The following TRMT13 variants were observed in gnomAD, a reference collection of about 807,000 sequenced individuals.
TRMT13 encodes the protein tRNA:m(4)X modification enzyme TRM13 homolog.
Under a neutral mutation model 55.9 loss-of-function variants are expected in TRMT13, and 45 were observed. The observed-to-expected ratio is 0.80, with a 90% CI of 0.63 to 1.03. TRMT13 has a LOEUF of 1.03. TRMT13 is among the 50% of genes least tolerant of loss of function. The pLI is 0.00. For missense variants in TRMT13, 513 were observed against 563.9 expected (o/e 0.91, Z 0.91); for synonymous variants, 183 against 196.3 (o/e 0.93, Z 0.57).
At chr1:100,136,969 A>G (rs773040224) in intron 2 of TRMT13, 41 bp downstream of exon 2, 1 of 1,602,402 alleles carries the variant, frequency 6.2e-7, no homozygotes. Flanking sequence ...TGTGCTGGAA[A>G]CAGTAATTGG....
At chr1:100,134,919 A>G (rs571939832) in intron 1 of TRMT13, among the ~76,000 whole-genome samples, 2 of 152,206 alleles carry the variant, frequency 1.3e-5, no homozygotes, top group African/African-American at 2.4e-5. Flanking sequence ...TCTGTAATTT[A>G]TGATGTAACT....
At chr1:100,141,093 A>G in intron 7 of TRMT13, 74 bp downstream of exon 7, 8 of 1,324,174 alleles carry the variant, frequency 6.0e-6, no homozygotes, top group Non-Finnish European at 8.2e-6. Context: ...AAAGTGATAG[A>G]AACATTTCTT....
chr1:100,133,835 C>T (rs998724037), intron 1 of TRMT13, among the ~76,000 whole-genome samples: 5 of 152,130 alleles, frequency 3.3e-5, no homozygotes, highest in African/African-American at 9.7e-5. Context: ...CACTTGAGGT[C>T]AGGAGCTCGA....
In TRMT13 at chr1:100,139,664, G is replaced by T. The variant is rs1021670196; in HGVS notation, c.277G>T (p.Asp93Tyr). The change falls in exon 4 of 11, where the codon GAT becomes TAT. Residue 93 changes from aspartate (D) to tyrosine (Y), a missense_variant. Coordinates refer to ENST00000370141, the MANE Select transcript of TRMT13 (RefSeq NM_019083.3). ...EKPKPDFYIQDINAGLRDETE... is the reference protein window; with the variant it reads ...EKPKPDFYIQYINAGLRDETE... Reference sequence around the variant, plus strand: ...TTTTGTTAAGGATTTCTATATTCAAGATATTAATGCAGGCTTAAGAGATGA... The same window carrying T: ...TTTTGTTAAGGATTTCTATATTCAATATATTAATGCAGGCTTAAGAGATGA... The T allele has an allele frequency of 2.6e-6, 4 of 1,541,522 alleles. No homozygotes were observed. In the Admixed American group the frequency reaches 5.1e-5, roughly 20 times the overall value.
chr1:100,136,807 C>A, intron 1 of TRMT13, 75 bp from the exon 2 acceptor site: 1 of 1,289,248 alleles, frequency 7.8e-7, no homozygotes. Context: ...TACAGAGACA[C>A]TGAAGTTATA....
In TRMT13 at chr1:100,139,701, C is replaced by G; in HGVS notation, c.314C>G (p.Pro105Arg). 1 of 1,526,214 alleles carries G rather than the reference C, an allele frequency of 6.6e-7. No homozygotes were observed. Among genetic ancestry groups the G allele is most frequent in the African/African-American group, 1.4e-5 (1 of 72,772 alleles). 94.5% of individuals were successfully genotyped at this position (1,526,214 alleles called of 1,614,324 possible). Residue 105 changes from proline to arginine, a missense_variant, in exon 4 of 11, where the codon CCT becomes CGT. This residue lies in a region of TRMT13 where 298 missense variants were observed against 290.3 expected (regional missense o/e 1.03). Transcript: ENST00000370141. The stretch of plus-strand genomic sequence containing the variant: ...GGCTTAAGAGATGAAACAGAAATAC[C>G]TGAACAATTAGTAAGTACATTGACT... ...NAGLRDETEI[P>R]EQLVPISSLS...
At chr1:100,147,788 T>A in intron 9 of TRMT13, 106 bp from the exon 10 acceptor site, 1 of 1,067,422 alleles carries the variant, frequency 9.4e-7, no homozygotes, top group East Asian at 2.6e-5. Flanking sequence ...AGGTTTTTGC[T>A]GTTTTTATTG....
intron 6 of TRMT13, 70 bp downstream of exon 6, chr1:100,140,584 T>C: frequency 8.5e-7 from 1 of 1,177,350 alleles, no homozygotes; most frequent in Non-Finnish European, 1.2e-6. Context: ...TAAATGTAAT[T>C]ATTAATAAGA....
chr1:100,134,149 A>G (rs1011895517), intron 1 of TRMT13, among the ~76,000 whole-genome samples: 1 of 152,236 alleles, frequency 6.6e-6, no homozygotes, highest in African/African-American at 2.4e-5. Flanking sequence ...AGATTTTTAA[A>G]TATATACGAA....
rs1053281041 is a variant in TRMT13, at chr1:100,137,201, A to AT, written c.261+125dup. ...GAGGAACCCAAGCTCAGGAAATATA[A>AT]TTTTTTTTTAAAGAGATAGGGTCTC... On this transcript the variant is annotated intron_variant, in intron 3 of 10. Transcript: ENST00000370141. The AT allele has an allele frequency of 4.2e-4, 369 of 884,518 alleles. 1 individual carries two copies. The highest frequency in any genetic ancestry group is 7.3e-4 in the Middle Eastern group (2 of 2,742). The allele number at this position is 884,518 out of a possible 1,614,324, so 54.8% of individuals were successfully genotyped here.
chr1:100,140,149 G>T lies in TRMT13; in HGVS notation c.325-33G>T, dbSNP rs745642040. 13 of 1,502,980 alleles carry T rather than the reference G, an allele frequency of 8.6e-6. No individual in the cohort carries two copies. The East Asian group carries it at 3.0e-4, about 35-fold the overall frequency. The allele number at this position is 1,502,980 out of a possible 1,614,324, so 93.1% of individuals were successfully genotyped here. A position where few individuals can be genotyped will look rare whatever the true frequency, so the allele number is the denominator to read the frequency against. The stretch of plus-strand genomic sequence containing the variant: ...GTTATGCTACTTTAAAGCAATTTTT[G>T]GCTACATTATTTAGTTTTATTTTTG... On this transcript the variant is annotated intron_variant, in intron 4 of 10. Coordinates refer to ENST00000370141, the MANE Select transcript of TRMT13 (RefSeq NM_019083.3).
At position 100,140,524 on chromosome 1, in the gene TRMT13, G is replaced by A. The variant is rs1314765096; in HGVS notation, c.501+10G>A. 2 of 1,585,308 alleles carry A rather than the reference G, an allele frequency of 1.3e-6. No homozygotes were observed. Among genetic ancestry groups the A allele is most frequent in the South Asian group, 1.1e-5 (1 of 90,476 alleles). ...GCACCTGAAACAGCAGGTATGTTTA[G>A]GCTATAGTAACTACTAAACATGGCC... is the stretch of plus-strand genomic sequence containing the variant. On this transcript the variant is annotated intron_variant, in intron 6 of 10. Coordinates refer to ENST00000370141, the MANE Select transcript of TRMT13 (RefSeq NM_019083.3).
chr1:100,136,520 T>C (rs189459820), intron 1 of TRMT13, among the ~76,000 whole-genome samples: 114 of 152,342 alleles, frequency 7.5e-4, no homozygotes, highest in Middle Eastern at 3.4e-3. Flanking sequence ...TATACAACTA[T>C]TTGTCAATTA....
chr1:100,144,315 C>A, intron 9 of TRMT13, 172 bp downstream of exon 9: 1 of 535,974 alleles, frequency 1.9e-6, no homozygotes, highest in Non-Finnish European at 3.3e-6. Flanking sequence ...TATTTATCTG[C>A]TCATATTGGC....
intron 10 of TRMT13, 71 bp from the exon 11 acceptor site, chr1:100,148,554 G>C: frequency 7.2e-7 from 1 of 1,398,362 alleles, no homozygotes; most frequent in Non-Finnish European, 9.9e-7. Context: ...TCAATAAATA[G>C]TGACAAAAAT....
Position 100,143,197 on chromosome 1 carries a change from C to A in TRMT13, c.730C>A (p.His244Asn), listed in dbSNP as rs376859233. The change falls in exon 8 of 11, where the codon CAC becomes AAC. Residue 244 changes from histidine (H) to asparagine (N), a missense_variant. Physicochemically the swap from His to Asn is moderately conservative, Grantham distance 68. Transcript: ENST00000370141. ...TGAAAGACTTCAAATTGATATTCAA[C>A]ACTTGTGTTTGAGTAAGTTGTGTAA... ...VFERLQIDIQ[H>N]LCLNKIPVLR... 6.2e-7 allele frequency: 1 copy of A among 1,605,732 alleles called. No homozygotes were observed. Among genetic ancestry groups the A allele is most frequent in the Non-Finnish European group, 8.5e-7 (1 of 1,174,312 alleles).
intron 1 of TRMT13, among the ~76,000 whole-genome samples, chr1:100,134,532 C>T (rs1028171873): frequency 1.3e-5 from 2 of 152,164 alleles, no homozygotes; most frequent in Non-Finnish European, 2.9e-5. Context: ...TTTGTTTTGA[C>T]TGGCATTTAC....
chr1:100,139,330 G>T (rs72971898), intron 3 of TRMT13, among the ~76,000 whole-genome samples: 6,283 of 152,198 alleles, frequency 0.041, 320 homozygotes, highest in African/African-American at 0.12. Flanking sequence ...AACAGTCTAG[G>T]CTGTAGAACT....
intron 8 of TRMT13, 22 bp downstream of exon 8, chr1:100,143,231 T>A: frequency 6.6e-7 from 1 of 1,505,952 alleles, no homozygotes; most frequent in Non-Finnish European, 9.2e-7. Context: ...AACTTTCCAT[T>A]GGTCTACAAA....
Sources: gnomAD v4.1 joint callset for allele counts (sites outside exome capture counted in the v4.1 genomes callset) on GRCh38, gnomAD v4.1.1 for gene constraint, gnomAD v4.1.1 regional missense constraint, MANE v1.5 for transcripts, NCBI Gene and HGNC (gene_info 2026-07-23, HGNC 2026-07-21) for gene names.